BMPR2: variants seen among roughly 807,000 people sequenced by gnomAD.
BMPR2 encodes bone morphogenetic protein receptor type-2.
BMPR2 carries 29 observed loss-of-function variants against 100.8 expected under a neutral mutation model. The observed-to-expected ratio is 0.29, with a 90% CI of 0.21 to 0.39. The LOEUF (loss-of-function observed/expected upper bound fraction) is 0.39, where lower values mean the gene tolerates loss of function less well. BMPR2 is among the 10% of genes least tolerant of loss of function. BMPR2 has a pLI of 1.00. For synonymous variants in BMPR2, 382 were observed against 442.3 expected, an observed-to-expected ratio of 0.86 and a Z score of 1.71; for missense variants, 1,011 against 1,274.5, an observed-to-expected ratio of 0.79 and a Z score of 3.15.
chr2:202,387,398 C>T (rs1315377020), intron 1 of BMPR2, among the ~76,000 whole-genome samples: 2 of 152,164 alleles, frequency 1.3e-5, no homozygotes, highest in African/African-American at 4.8e-5. Context: ...CTTTATTCTG[C>T]AGATGAGTAA....
At position 202,503,185 on chromosome 2, in the gene BMPR2, T is replaced by A. The variant is rs1369280295; in HGVS notation, c.419-10534T>A. ...CAAATTCCCAACAGCATTTGGGGTG[T>A]CCTGTTTAGAGGGGGGATTGAGAGG... On this transcript the variant is annotated intron_variant, in intron 3 of 12. Coordinates refer to ENST00000374580, the MANE Select transcript of BMPR2 (RefSeq NM_001204.7). This position sits in a 1 kb window ranked among gnomAD's most constrained non-coding sequence, Gnocchi z 4.0. Among the ~76,000 whole-genome samples the A allele has an allele frequency of 6.6e-6, 1 of 152,202 alleles. No individual in the cohort carries two copies. The highest frequency in any genetic ancestry group is 1.5e-5 in the Non-Finnish European group (1 of 68,024).
intron 10 of BMPR2, among the ~76,000 whole-genome samples, chr2:202,545,649 C>T (rs113589647): frequency 2.0e-4 from 30 of 152,238 alleles, no homozygotes; most frequent in African/African-American, 7.0e-4. Flanking sequence ...TTATAGTTTC[C>T]ATACAGATTT....
chr2:202,520,231 T>C (rs1401607357), intron 7 of BMPR2, 30 bp downstream of exon 7: 1 of 1,473,286 alleles, frequency 6.8e-7, no homozygotes, highest in Admixed American at 1.7e-5. Flanking sequence ...AAATTGACAC[T>C]CATGTGGGTT....
intron 9 of BMPR2, among the ~76,000 whole-genome samples, chr2:202,538,686 CG>C (rs910920117): frequency 1.3e-5 from 2 of 149,688 alleles, no homozygotes; most frequent in African/African-American, 2.5e-5. Context: ...CCCAGCTACT[CG>C]GGAGGCTGAG....
At chr2:202,549,907 T>C (rs1435727204) in intron 10 of BMPR2, among the ~76,000 whole-genome samples, 1 of 152,074 alleles carries the variant, frequency 6.6e-6, no homozygotes, top group East Asian at 1.9e-4. Flanking sequence ...ACATTCTTTT[T>C]TGGGGGTGGT....
chr2:202,536,205 C>G (rs1191536085), intron 9 of BMPR2, among the ~76,000 whole-genome samples: 1 of 152,052 alleles, frequency 6.6e-6, no homozygotes, highest in Non-Finnish European at 1.5e-5. Context: ...CTTGACCTCC[C>G]CAGGCTCAGG....
At chr2:202,409,843 T>TGA (rs1232577728) in intron 1 of BMPR2, among the ~76,000 whole-genome samples, 2 of 149,792 alleles carry the variant, frequency 1.3e-5, no homozygotes, top group African/African-American at 4.9e-5. Context: ...CAATTCTACT[T>TGA]TATATATATA....
intron 1 of BMPR2, among the ~76,000 whole-genome samples, chr2:202,398,364 A>G (rs1690695394): frequency 6.6e-6 from 1 of 152,136 alleles, no homozygotes; most frequent in African/African-American, 2.4e-5. Context: ...CTCTTTTCTA[A>G]TTGCAGGTGA....
intron 7 of BMPR2, 162 bp downstream of exon 7, chr2:202,520,363 C>G: frequency 3.0e-6 from 2 of 665,518 alleles, no homozygotes; most frequent in Non-Finnish European, 2.6e-6. Flanking sequence ...TGAAATGTAA[C>G]AGAAAGAGCT....
chr2:202,556,560 T>A, intron 12 of BMPR2, 29 bp downstream of exon 12: 1 of 1,602,202 alleles, frequency 6.2e-7, no homozygotes, highest in Non-Finnish European at 8.5e-7. Flanking sequence ...TAATCTCTCC[T>A]GTGTGTCTTT....
chr2:202,494,772 G>C (rs1489713994), intron 3 of BMPR2, among the ~76,000 whole-genome samples: 1 of 152,190 alleles, frequency 6.6e-6, no homozygotes, highest in East Asian at 1.9e-4. Flanking sequence ...CTAGTTAAAG[G>C]CCTCTTTTGC....
chr2:202,542,586 A>G, intron 10 of BMPR2, 139 bp downstream of exon 10: 5 of 1,126,838 alleles, frequency 4.4e-6, no homozygotes, highest in Non-Finnish European at 6.3e-6. Flanking sequence ...GATTTTTATG[A>G]TGTTTTCAAA....
intron 3 of BMPR2, among the ~76,000 whole-genome samples, chr2:202,482,448 A>T (rs1692678039): frequency 6.6e-6 from 1 of 152,074 alleles, no homozygotes; most frequent in South Asian, 2.1e-4. Context: ...ATCATAGCTC[A>T]CTGTAACCTT....
rs758849927 is a variant in BMPR2, at chr2:202,451,436, C to A, written c.77-13373C>A. The stretch of plus-strand genomic sequence containing the variant: ...AATTCCAGCCGGACACAGTGGCCCA[C>A]GCCTGTAATCCCAGCACTTTGGGAG... On this transcript the variant is annotated intron_variant, in intron 1 of 12. Coordinates refer to ENST00000374580, the MANE Select transcript of BMPR2 (RefSeq NM_001204.7). Among the ~76,000 whole-genome samples the A allele has an allele frequency of 7.2e-5, 11 of 152,306 alleles. No individual in the cohort carries two copies. In the South Asian group the frequency reaches 1.0e-3, roughly 14 times the overall value.
chr2:202,436,703 A>G (rs1691622419), intron 1 of BMPR2, among the ~76,000 whole-genome samples: 1 of 150,496 alleles, frequency 6.6e-6, no homozygotes, highest in South Asian at 2.1e-4. Context: ...AGTTCTTTCC[A>G]AGTAATATTT....
At chr2:202,378,219 C>T (rs928201086) in intron 1 of BMPR2, among the ~76,000 whole-genome samples, 1 of 152,154 alleles carries the variant, frequency 6.6e-6, no homozygotes, top group Non-Finnish European at 1.5e-5. Context: ...GATTTGACTC[C>T]GAAAGTTCTT....
At chr2:202,484,473 G>A (rs1281209021) in intron 3 of BMPR2, among the ~76,000 whole-genome samples, 22 of 151,544 alleles carry the variant, frequency 1.5e-4, no homozygotes, top group African/African-American at 5.1e-4. Flanking sequence ...AGGAGATCGA[G>A]ACCATCCTGG....
intron 1 of BMPR2, among the ~76,000 whole-genome samples, chr2:202,452,046 GC>G (rs945034501): frequency 6.6e-6 from 1 of 152,058 alleles, no homozygotes; most frequent in African/African-American, 2.4e-5. Flanking sequence ...GAGCCACTGC[GC>G]CTGGCCAATT....
At chr2:202,433,631 C>T (rs766491112) in intron 1 of BMPR2, among the ~76,000 whole-genome samples, 42 of 150,512 alleles carry the variant, frequency 2.8e-4, no homozygotes, top group Non-Finnish European at 5.6e-4. Context: ...CAGGACAGGC[C>T]GGGCATGATG....
Sources: gnomAD v4.1 joint callset for allele counts (sites outside exome capture counted in the v4.1 genomes callset) on GRCh38, gnomAD v4.1.1 for gene constraint, Gnocchi (gnomAD v3.1) non-coding constraint, MANE v1.5 for transcripts, NCBI Gene and HGNC (gene_info 2026-07-23, HGNC 2026-07-21) for gene names.